The following DKK3 variants were observed in gnomAD, a reference collection of about 807,000 sequenced individuals.
The protein encoded by DKK3 is dickkopf-related protein 3.
In DKK3, 22 loss-of-function variants were observed where a neutral mutation model predicts 33.2. The ratio of observed to expected loss-of-function variants is 0.66; its 90% CI spans 0.47 to 0.95. DKK3 has a LOEUF of 0.95. DKK3 is among the 40% of genes least tolerant of loss of function. DKK3 has a pLI of 0.00. For synonymous variants in DKK3, 194 were observed against 188.8 expected (o/e 1.03, Z -0.23); for missense variants, 398 against 458.4 (o/e 0.87, Z 1.20).
Position 11,968,591 on chromosome 11 carries a change from C to T in DKK3, c.436-104G>A, listed in dbSNP as rs1298289233. 4 of 1,141,388 alleles carry T rather than the reference C, an allele frequency of 3.5e-6. No individual in the cohort carries two copies. The East Asian group carries it at 1.1e-4, about 32-fold the overall frequency. 70.7% of individuals were successfully genotyped at this position (1,141,388 alleles called of 1,614,324 possible). On this transcript the variant is annotated intron_variant, in intron 3 of 6. Transcript: ENST00000683431. ...CGCTTCCATTCCCCATTCTTGACCC[C>T]ACAGGCTCAGCAGGGTCAGGAAAGG... is the stretch of plus-strand genomic sequence containing the variant.
chr11:11,986,621 G>T (rs951558109), intron 3 of DKK3, among the ~76,000 whole-genome samples: 1 of 152,130 alleles, frequency 6.6e-6, no homozygotes, highest in Non-Finnish European at 1.5e-5. Flanking sequence ...GGAATGGAAG[G>T]CTGGGGATCA....
upstream of DKK3, chr11:12,008,912 C>A (rs140546479): frequency 3.4e-3 from 3,664 of 1,072,524 alleles, 388 homozygotes; most frequent in Admixed American, 0.17. The surrounding 1 kb of genome is among the most constrained non-coding windows in gnomAD (Gnocchi z 4.6). Context: ...AACCCGGATC[C>A]TCTACGCTAA....
At chr11:12,000,180 TTTTGTTTG>T (rs55683428) in intron 2 of DKK3, among the ~76,000 whole-genome samples, 56,502 of 151,252 alleles carry the variant, frequency 0.37, 10,779 homozygotes, top group East Asian at 0.53. Context: ...GACTAGTGTT[TTTTGTTTG>T]TTTGTTTGTT....
intron 3 of DKK3, among the ~76,000 whole-genome samples, chr11:11,988,166 A>G (rs1252622750): frequency 6.6e-6 from 1 of 152,230 alleles, no homozygotes. Context: ...GTACCCAAAT[A>G]TCTTGTTTAT....
intron 3 of DKK3, among the ~76,000 whole-genome samples, chr11:11,996,313 C>T (rs1047193451): frequency 6.6e-6 from 1 of 152,184 alleles, no homozygotes; most frequent in Non-Finnish European, 1.5e-5. Context: ...GCTTTCTATT[C>T]AGAAAAAGAG....
intron 3 of DKK3, among the ~76,000 whole-genome samples, chr11:11,970,089 A>C (rs962703492): frequency 1.3e-5 from 2 of 152,188 alleles, no homozygotes; most frequent in South Asian, 4.1e-4. Flanking sequence ...CTCAGCCGGA[A>C]GCCTCCCGAC....
chr11:11,977,945 T>C (rs1212234668), intron 3 of DKK3, among the ~76,000 whole-genome samples: 1 of 152,238 alleles, frequency 6.6e-6, no homozygotes, highest in African/African-American at 2.4e-5. Flanking sequence ...CTGAATTTTA[T>C]TTGTCAGATT....
chr11:12,008,739 A>T (rs1590566762), upstream of DKK3: 4 of 1,203,204 alleles, frequency 3.3e-6, no homozygotes, highest in Non-Finnish European at 4.1e-6. This position sits in a 1 kb window ranked among gnomAD's most constrained non-coding sequence, Gnocchi z 4.6. Flanking sequence ...GACGGGAGGA[A>T]ACCGAGGCCC....
intron 3 of DKK3, among the ~76,000 whole-genome samples, chr11:11,980,342 G>A (rs1229537816): frequency 6.6e-6 from 1 of 152,220 alleles, no homozygotes; most frequent in Non-Finnish European, 1.5e-5. Context: ...GGGCTTACGG[G>A]TTCTGGACTC....
chr11:11,975,832 C>G (rs1424512397), intron 3 of DKK3, among the ~76,000 whole-genome samples: 1 of 152,218 alleles, frequency 6.6e-6, no homozygotes, highest in Non-Finnish European at 1.5e-5. Flanking sequence ...CCATATGGCA[C>G]AAGTGCATCT....
chr11:11,982,054 C>T (rs765697759), intron 3 of DKK3, among the ~76,000 whole-genome samples: 12 of 152,150 alleles, frequency 7.9e-5, no homozygotes, highest in Non-Finnish European at 1.6e-4. Flanking sequence ...CCCAGCATTG[C>T]CCCCGGTGAT....
intron 3 of DKK3, among the ~76,000 whole-genome samples, chr11:11,978,112 C>T (rs1217345545): frequency 1.3e-5 from 2 of 152,052 alleles, no homozygotes; most frequent in Non-Finnish European, 2.9e-5. Context: ...TGTGCCAATC[C>T]GATCAATGTG....
chr11:11,966,000 G>A (rs779943268), intron 5 of DKK3, 35 bp from the exon 6 acceptor site: 13 of 1,585,552 alleles, frequency 8.2e-6, no homozygotes, highest in African/African-American at 5.4e-5. Context: ...TGTGTGCCCC[G>A]TGTAGGGTAG....
rs1283040462 is a variant in DKK3 at position 11,963,536 on chromosome 11, TAGA to T, written c.*925_*927del. The T allele has an allele frequency of 6.6e-6, 1 of 152,258 alleles. No homozygotes were observed. Among genetic ancestry groups the T allele is most frequent in the African/African-American group, 2.4e-5 (1 of 41,472 alleles). 9.4% of individuals were successfully genotyped at this position (152,258 alleles called of 1,614,324 possible). A position where few individuals can be genotyped will look rare whatever the true frequency, so the allele number is the denominator to read the frequency against. On this transcript the variant is annotated 3_prime_UTR_variant, in exon 7 of 7. Coordinates refer to ENST00000683431, the MANE Select transcript of DKK3 (RefSeq NM_001018057.2). ...ACAGTGTCAATATCATTGTCTTCAT[TAGA>T]AGGACGGCTGCCCCACACTGTGAGA... is the stretch of plus-strand genomic sequence containing the variant.
In DKK3 at chr11:11,983,819, C is replaced by T. The variant is rs552802425; in HGVS notation, c.435+14877G>A. ...CAGGCCCAGCATTTTCCAGACCAAC[C>T]CCCGACCCAATGCCTATACAACAAT... is the stretch of plus-strand genomic sequence containing the variant. On this transcript the variant is annotated intron_variant, in intron 3 of 6. Transcript: ENST00000683431. Among the ~76,000 whole-genome samples the T allele has an allele frequency of 2.6e-5, 4 of 152,386 alleles. No homozygotes were observed. In the South Asian group the frequency reaches 8.3e-4, roughly 32 times the overall value.
At chr11:12,009,722 T>C (rs1848617876), upstream of DKK3, 2 of 985,710 alleles carry the variant, frequency 2.0e-6, no homozygotes, top group Non-Finnish European at 2.4e-6. Flanking sequence ...CCATCACCGC[T>C]GGCCTTAGTC....
At chr11:11,998,402 A>G (rs1848344942) in intron 3 of DKK3, 2 of 495,256 alleles carry the variant, frequency 4.0e-6, no homozygotes, top group Non-Finnish European at 7.2e-6. Flanking sequence ...CCAAAGTCCC[A>G]GTCAACATGT....
intron 3 of DKK3, among the ~76,000 whole-genome samples, chr11:11,983,515 A>G (rs1490538966): frequency 6.6e-6 from 1 of 152,208 alleles, no homozygotes; most frequent in African/African-American, 2.4e-5. Context: ...CTGACATATC[A>G]CAAGTCTCCA....
chr11:11,974,958 A>G (rs1016507642), intron 3 of DKK3, among the ~76,000 whole-genome samples: 4 of 152,204 alleles, frequency 2.6e-5, no homozygotes, highest in African/African-American at 9.6e-5. Context: ...ACCACTGGTC[A>G]TAGAGCCTTA....
Sources: gnomAD v4.1 joint callset for allele counts (sites outside exome capture counted in the v4.1 genomes callset) on GRCh38, gnomAD v4.1.1 for gene constraint, Gnocchi (gnomAD v3.1) non-coding constraint, MANE v1.5 for transcripts, NCBI Gene and HGNC (gene_info 2026-07-23, HGNC 2026-07-21) for gene names.